The following PCDHA2 variants were observed in gnomAD, a reference collection of about 807,000 sequenced individuals.
PCDHA2 encodes the protein protocadherin alpha 2.
Under a neutral mutation model 66.0 loss-of-function variants are expected in PCDHA2, and 58 were observed. The ratio of observed to expected loss-of-function variants is 0.88; its 90% CI spans 0.71 to 1.09. The LOEUF (loss-of-function observed/expected upper bound fraction) is 1.09, where lower values mean the gene tolerates loss of function less well. Ranked by LOEUF, PCDHA2 falls within the 50% of genes least tolerant of loss-of-function variation. The pLI, the probability that PCDHA2 is intolerant of heterozygous loss-of-function variation, is 0.00. For missense variants in PCDHA2, 1,267 were observed against 1,242.3 expected, an observed-to-expected ratio of 1.02 and a Z score of -0.30; for synonymous variants, 634 against 554.0, an observed-to-expected ratio of 1.14 and a Z score of -2.03.
Position 140,796,093 on chromosome 5 carries a change from C to A in PCDHA2, c.1129C>A (p.Arg377Ser), listed in dbSNP as rs781879420. Reference protein sequence around the residue: ...TVIALITVSDRDSGTNGHVTC... With the variant: ...TVIALITVSDSDSGTNGHVTC... ...CATTGCTCTCATCACGGTGTCGGATCGCGACTCTGGTACGAATGGACATGT... is the reference window on the plus strand; with the variant it reads ...CATTGCTCTCATCACGGTGTCGGATAGCGACTCTGGTACGAATGGACATGT... The change falls in exon 1 of 4, where the codon CGC becomes AGC. Residue 377 changes from arginine (R) to serine (S), a missense_variant. By Grantham distance (110) the Arg-to-Ser change is moderately radical. Transcript: ENST00000526136. The A allele has an allele frequency of 2.5e-6, 4 of 1,614,204 alleles. No individual in the cohort carries two copies. Among genetic ancestry groups the A allele is most frequent in the Non-Finnish European group, 3.4e-6 (4 of 1,180,036 alleles).
At chr5:140,814,487 A>G (rs1765528526) in intron 1 of PCDHA2, 1 of 151,810 alleles carries the variant, frequency 6.6e-6, no homozygotes, top group Non-Finnish European at 1.5e-5. Flanking sequence ...TTATAAGTAG[A>G]AAGAGTACAC....
chr5:140,974,330 A>G (rs542172748), intron 1 of PCDHA2, among the ~76,000 whole-genome samples: 1 of 152,346 alleles, frequency 6.6e-6, no homozygotes, highest in African/African-American at 2.4e-5. Flanking sequence ...CTGCTGTGCT[A>G]GCAGGCTATG....
rs150822529 is a variant in PCDHA2 at position 140,836,094 on chromosome 5, G to A, written c.2388+38742G>A. 2.0e-4 allele frequency: 328 copies of A among 1,613,708 alleles called. No individual in the cohort carries two copies. Among genetic ancestry groups the A allele is most frequent in the Admixed American group, 3.7e-4 (22 of 60,012 alleles). ...GCCGGCACTGCTGGCGCCTCGGGTG[G>A]GTGGCACTGGTGGCGCAGTGAGAGA... On this transcript the variant is annotated intron_variant, in intron 1 of 3. Transcript: ENST00000526136.
intron 1 of PCDHA2, among the ~76,000 whole-genome samples, chr5:140,957,854 T>C (rs2095390646): frequency 6.6e-6 from 1 of 151,872 alleles, no homozygotes; most frequent in Non-Finnish European, 1.5e-5. Context: ...GTTTGTGTAT[T>C]TTTTTTCCTA....
At chr5:140,875,229 T>C (rs893316010) in intron 1 of PCDHA2, 7 of 838,964 alleles carry the variant, frequency 8.3e-6, no homozygotes, top group Non-Finnish European at 1.2e-5. Flanking sequence ...TCAGGATCTT[T>C]CTTGTACTTA....
intron 1 of PCDHA2, chr5:140,883,465 C>T: frequency 6.2e-7 from 1 of 1,614,156 alleles, no homozygotes; most frequent in South Asian, 1.1e-5. Context: ...AGCTGGTGTC[C>T]ACCTACAAGA....
chr5:140,967,888 G>A, intron 1 of PCDHA2: 1 of 1,614,138 alleles, frequency 6.2e-7, no homozygotes, highest in South Asian at 1.1e-5. Context: ...ATAGCCCAGT[G>A]CCTGAGAATG....
intron 1 of PCDHA2, chr5:140,809,149 C>T (rs782812274): frequency 2.5e-6 from 4 of 1,613,942 alleles, no homozygotes; most frequent in Non-Finnish European, 3.4e-6. Flanking sequence ...TGAAGGACCA[C>T]GGCGAGCCCG....
At chr5:140,822,799 G>T in intron 1 of PCDHA2, 1 of 1,614,160 alleles carries the variant, frequency 6.2e-7, no homozygotes, top group East Asian at 2.2e-5. Context: ...ACTCCTGGAT[G>T]TGAATGATAA....
Position 140,796,594 on chromosome 5 carries a change from C to A in PCDHA2, c.1630C>A (p.Pro544Thr), listed in dbSNP as rs1762107949. 1 of 1,612,524 alleles carries A rather than the reference C, an allele frequency of 6.2e-7. No homozygotes were observed. Residue 544 changes from proline to threonine, a missense_variant, in exon 1 of 4, where the codon CCT (proline) becomes ACT (threonine). Physicochemically the swap from Pro to Thr is conservative, Grantham distance 38. Transcript: ENST00000526136. ...QVSARDAGVP[P>T]LGSNVTLQVF... is the part of the protein sequence containing the mutation. ...GAGCGCGCGGGATGCGGGCGTGCCG[C>A]CTCTGGGCAGCAACGTGACGCTGCA...
At position 141,010,397 on chromosome 5, in the gene PCDHA2, A is replaced by C; in HGVS notation, c.*460A>C. On this transcript the variant is annotated 3_prime_UTR_variant, in exon 4 of 4. Coordinates refer to ENST00000526136, the MANE Select transcript of PCDHA2 (RefSeq NM_018905.3). ...TGCCAGATATTGGCTGAGACGAGCC[A>C]GCTTAGACTAATTGGTACAAGGAAG... 7.5e-7 allele frequency: 1 copy of C among 1,329,462 alleles called. No individual in the cohort carries two copies. The highest frequency in any genetic ancestry group is 1.0e-6 in the Non-Finnish European group (1 of 994,158). The allele number at this position is 1,329,462 out of a possible 1,614,324, so 82.4% of individuals were successfully genotyped here.
intron 1 of PCDHA2, among the ~76,000 whole-genome samples, chr5:140,893,688 C>G (rs903086896): frequency 6.6e-6 from 1 of 152,168 alleles, no homozygotes; most frequent in Admixed American, 6.5e-5. Context: ...TATATCATCT[C>G]ATTCTATCCT....
intron 3 of PCDHA2, among the ~76,000 whole-genome samples, chr5:141,006,960 G>A (rs1183082923): frequency 6.6e-6 from 1 of 152,184 alleles, no homozygotes; most frequent in Non-Finnish European, 1.5e-5. Flanking sequence ...TTATACATGA[G>A]ATTGGAGCAC....
intron 1 of PCDHA2, among the ~76,000 whole-genome samples, chr5:140,910,422 C>T (rs1184807086): frequency 6.6e-6 from 1 of 152,148 alleles, no homozygotes; most frequent in Non-Finnish European, 1.5e-5. Flanking sequence ...TCCAATTATT[C>T]CCATTGCATT....
chr5:140,891,589 C>T (rs1459113596), intron 1 of PCDHA2, among the ~76,000 whole-genome samples: 1 of 152,166 alleles, frequency 6.6e-6, no homozygotes, highest in East Asian at 1.9e-4. Context: ...TCTTATTACT[C>T]TATCCCATCT....
At chr5:140,837,768 C>T (rs1391486118) in intron 1 of PCDHA2, among the ~76,000 whole-genome samples, 1 of 151,702 alleles carries the variant, frequency 6.6e-6, no homozygotes, top group Non-Finnish European at 1.5e-5. Flanking sequence ...CCTGAAAGTC[C>T]TGGGCTCACA....
intron 1 of PCDHA2, chr5:140,808,479 G>T (rs782290463): frequency 2.5e-6 from 4 of 1,614,186 alleles, no homozygotes; most frequent in East Asian, 2.2e-5. Context: ...CGAGACGGGG[G>T]CTCGCCTTCG....
At position 140,835,699 on chromosome 5, in the gene PCDHA2, C is replaced by G. The variant is rs146607016; in HGVS notation, c.2388+38347C>G. 306 of 1,613,916 alleles carry G rather than the reference C, an allele frequency of 1.9e-4. 1 individual carries two copies. In the African/African-American group the frequency reaches 3.5e-3, roughly 18 times the overall value. ...GGCTCGCCTTCTCTGTGGGCCACTG[C>G]TAGCGTGTCCGTGGAGGTGGCCGAC... On this transcript the variant is annotated intron_variant, in intron 1 of 3. Coordinates refer to ENST00000526136, the MANE Select transcript of PCDHA2 (RefSeq NM_018905.3).
intron 1 of PCDHA2, chr5:140,804,830 T>G: frequency 2.5e-6 from 1 of 404,652 alleles, no homozygotes; most frequent in Non-Finnish European, 4.4e-6. Context: ...TGGTTAATAC[T>G]CATTGACAGT....
Sources: allele counts gnomAD v4.1 joint callset (sites outside exome capture counted in the v4.1 genomes callset), GRCh38; gene constraint gnomAD v4.1.1; transcripts MANE v1.5; gene names NCBI Gene and HGNC (gene_info 2026-07-23, HGNC 2026-07-21).